The following HECTD4 variants were observed in gnomAD, a reference collection of about 807,000 sequenced individuals.
The protein encoded by HECTD4 is HECT domain E3 ubiquitin protein ligase 4.
In HECTD4, 114 loss-of-function variants were observed where a neutral mutation model predicts 471.5. The ratio of observed to expected loss-of-function variants is 0.24; its 90% confidence interval spans 0.21 to 0.28. The LOEUF is 0.28. Ranked by LOEUF, HECTD4 falls within the 10% of genes least tolerant of loss-of-function variation. The pLI is 1.00. For missense variants in HECTD4, 3,866 were observed against 5,651.5 expected (o/e 0.68, Z 10.13); for synonymous variants, 2,012 against 2,256.0 (o/e 0.89, Z 3.07).
At chr12:112,171,477 G>A (rs2031218021) in intron 67 of HECTD4, 1 of 685,258 alleles carries the variant, frequency 1.5e-6, no homozygotes, top group South Asian at 2.0e-5. Flanking sequence ...CCAGATGGAG[G>A]TGCTGGCTCT....
intron 32 of HECTD4, among the ~76,000 whole-genome samples, chr12:112,242,765 G>A (rs1276740831): frequency 6.6e-6 from 1 of 152,098 alleles, no homozygotes; most frequent in Non-Finnish European, 1.5e-5. Flanking sequence ...ATAAAAATTA[G>A]CCAGGTGTGG....
intron 65 of HECTD4, 145 bp downstream of exon 65, chr12:112,176,451 C>A (rs962453341): frequency 6.5e-5 from 41 of 632,546 alleles, no homozygotes; most frequent in Non-Finnish European, 1.1e-4. Context: ...CTGCCTGATA[C>A]CCCAGGGAAC....
At chr12:112,330,887 T>C (rs2035833729) in intron 1 of HECTD4, among the ~76,000 whole-genome samples, 1 of 152,094 alleles carries the variant, frequency 6.6e-6, no homozygotes, top group Non-Finnish European at 1.5e-5. Context: ...ATGAAGAAAA[T>C]ACATGTGGTG....
At chr12:112,322,668 G>A (rs578052603) in intron 1 of HECTD4, 1 of 152,476 alleles carries the variant, frequency 6.6e-6, no homozygotes, top group Admixed American at 6.5e-5. Context: ...CTTCCCTGCT[G>A]GTATGAATTC....
At chr12:112,180,603 G>C (rs908575269) in intron 62 of HECTD4, among the ~76,000 whole-genome samples, 2 of 151,574 alleles carry the variant, frequency 1.3e-5, no homozygotes, top group Non-Finnish European at 2.9e-5. Flanking sequence ...AGCACCATGA[G>C]GCAGATCCAT....
At chr12:112,212,387 T>C in intron 49 of HECTD4, 100 bp downstream of exon 49, 2 of 920,318 alleles carry the variant, frequency 2.2e-6, no homozygotes, top group Non-Finnish European at 3.4e-6. Flanking sequence ...ACCAATATTA[T>C]GTACAATGAG....
Position 112,179,494 on chromosome 12 carries a change from A to G in HECTD4, c.10988-97T>C. Reference sequence around the variant, plus strand: ...TTTCCAAACACTGTTTGAAAGGGGCAGTGGATGGACATTAGTGGAAGGAAG... The same window carrying G: ...TTTCCAAACACTGTTTGAAAGGGGCGGTGGATGGACATTAGTGGAAGGAAG... On this transcript the variant is annotated intron_variant, in intron 62 of 75. Transcript: ENST00000682272. This position sits in a 1 kb window ranked among gnomAD's most constrained non-coding sequence, Gnocchi z 4.3. 3.7e-6 allele frequency: 4 copies of G among 1,087,354 alleles called. No homozygotes were observed. Among genetic ancestry groups the G allele is most frequent in the Non-Finnish European group, 5.4e-6 (4 of 738,226 alleles). The allele number at this position is 1,087,354 out of a possible 1,614,324, so 67.4% of individuals were successfully genotyped here.
At chr12:112,357,507 A>G (rs903810642) in intron 1 of HECTD4, among the ~76,000 whole-genome samples, 3 of 152,180 alleles carry the variant, frequency 2.0e-5, no homozygotes, top group Non-Finnish European at 2.9e-5. Context: ...GAGGAAGGAT[A>G]GAGAAAACAA....
Position 112,239,973 on chromosome 12 carries a change from G to T in HECTD4, c.5013C>A (p.Gly1671=), listed in dbSNP as rs374020760. The change falls in exon 33 of 76, where the codon GGC becomes GGA. Residue 1671 remains glycine (G), a synonymous_variant. Transcript: ENST00000682272. This position sits in a 1 kb window ranked among gnomAD's most constrained non-coding sequence, Gnocchi z 4.9. Reference sequence around the variant, plus strand: ...GAGACACAACAGAGGTCATGGTCTCGCCAAAGGCTTCCTGGACCTGCTCGA... The same window carrying T: ...GAGACACAACAGAGGTCATGGTCTCTCCAAAGGCTTCCTGGACCTGCTCGA... ...GMVEQVQEAF[G]ETMTSVVSLC... 2 of 1,613,832 alleles carry T rather than the reference G, an allele frequency of 1.2e-6. No homozygotes were observed. Among genetic ancestry groups the T allele is most frequent in the African/African-American group, 2.7e-5 (2 of 74,934 alleles).
chr12:112,184,844 C>G lies in HECTD4; in HGVS notation c.10122G>C (p.Gly3374=). Residue 3374 remains glycine (G), a synonymous_variant, in exon 61 of 76, where the codon GGG becomes GGC. Coordinates refer to ENST00000682272, the MANE Select transcript of HECTD4 (RefSeq NM_001388303.1). This position sits in a 1 kb window ranked among gnomAD's most constrained non-coding sequence, Gnocchi z 9.1. The part of the protein sequence containing the change: ...LRHLTRKDPQ[G]LGVTSDAIAD... Reference sequence around the variant, plus strand: ...CGATGGCGTCACTCGTCACGCCCAGCCCCTGTGGGTCCTTCCTGGTGAGGT... The same window carrying G: ...CGATGGCGTCACTCGTCACGCCCAGGCCCTGTGGGTCCTTCCTGGTGAGGT... The G allele has an allele frequency of 6.2e-7, 1 of 1,607,102 alleles. No homozygotes were observed. Among genetic ancestry groups the G allele is most frequent in the Non-Finnish European group, 8.5e-7 (1 of 1,175,354 alleles).
chr12:112,217,317 A>C, intron 45 of HECTD4, 122 bp from the exon 46 acceptor site: 1 of 524,976 alleles, frequency 1.9e-6, no homozygotes, highest in South Asian at 4.5e-5. Context: ...ACACACACAC[A>C]TACACACACA....
intron 24 of HECTD4, among the ~76,000 whole-genome samples, 194 bp from the exon 25 acceptor site, chr12:112,250,571 C>T (rs889413861): frequency 1.3e-5 from 2 of 152,154 alleles, no homozygotes; most frequent in African/African-American, 4.8e-5. Flanking sequence ...TAGCTCCCCC[C>T]CAATATTTAA....
At position 112,162,675 on chromosome 12, in the gene HECTD4, C is replaced by T. The variant is rs539695303; in HGVS notation, c.13121-152G>A. 4.7e-5 allele frequency: 40 copies of T among 843,896 alleles called. 2 individuals are homozygous for T. Among genetic ancestry groups the T allele is most frequent in the African/African-American group, 4.3e-4 (25 of 58,504 alleles). 52.3% of individuals were successfully genotyped at this position (843,896 alleles called of 1,614,324 possible). ...AGGAGGGGGATGAGGGCCTGGGAACCTGCGAGATGTTCTTGGAGGGAAAAG... is the reference window on the plus strand; with the variant it reads ...AGGAGGGGGATGAGGGCCTGGGAACTTGCGAGATGTTCTTGGAGGGAAAAG... On this transcript the variant is annotated intron_variant, in intron 75 of 75. Transcript: ENST00000682272. The surrounding 1 kb of genome is among the most constrained non-coding windows in gnomAD (Gnocchi z 5.2).
Position 112,382,327 on chromosome 12 carries a change from T to A in HECTD4, c.-199A>T. 36 of 355,950 alleles carry A rather than the reference T, an allele frequency of 1.0e-4. No homozygotes were observed. The highest frequency in any genetic ancestry group is 2.7e-4 in the East Asian group (4 of 14,904). The allele number at this position is 355,950 out of a possible 1,614,324, so 22.0% of individuals were successfully genotyped here. On this transcript the variant is annotated 5_prime_UTR_variant, in exon 1 of 76. Coordinates refer to ENST00000682272, the MANE Select transcript of HECTD4 (RefSeq NM_001388303.1). Reference sequence around the variant, plus strand: ...ACCCCGGCCCGGGAGACCCCGGCCCTGCCGCCGCCGCCGCCGCCGCCGCCG... The same window carrying A: ...ACCCCGGCCCGGGAGACCCCGGCCCAGCCGCCGCCGCCGCCGCCGCCGCCG...
chr12:112,225,128 T>G (rs1320814497), intron 44 of HECTD4, among the ~76,000 whole-genome samples: 7 of 152,080 alleles, frequency 4.6e-5, no homozygotes, highest in Non-Finnish European at 1.0e-4. Flanking sequence ...GAGCTTCTGC[T>G]GAATCCAAGG....
At chr12:112,377,812 G>A (rs895513257) in intron 1 of HECTD4, among the ~76,000 whole-genome samples, 8 of 152,164 alleles carry the variant, frequency 5.3e-5, no homozygotes, top group Non-Finnish European at 4.4e-5. Flanking sequence ...GGAGGTTGCA[G>A]TGAGCCGAGA....
intron 1 of HECTD4, among the ~76,000 whole-genome samples, chr12:112,326,671 T>C (rs1476095830): frequency 1.3e-5 from 2 of 152,190 alleles, no homozygotes; most frequent in African/African-American, 4.8e-5. Context: ...GATAGGCATA[T>C]AGACGCTTTT....
At position 112,162,624 on chromosome 12, in the gene HECTD4, G is replaced by C; in HGVS notation, c.13121-101C>G. 1 of 1,417,090 alleles carries C rather than the reference G, an allele frequency of 7.1e-7. No homozygotes were observed. Among genetic ancestry groups the C allele is most frequent in the Non-Finnish European group, 9.7e-7 (1 of 1,030,424 alleles). 87.8% of individuals were successfully genotyped at this position (1,417,090 alleles called of 1,614,324 possible). A position where few individuals can be genotyped will look rare whatever the true frequency, so the allele number is the denominator to read the frequency against. The stretch of plus-strand genomic sequence containing the variant: ...GCTTCCAGGTTTGCCTCCTTGGGTA[G>C]CCCCAAGCCAATCCTGGGGCCCAGC... On this transcript the variant is annotated intron_variant, in intron 75 of 75. Transcript: ENST00000682272. The surrounding 1 kb of genome is among the most constrained non-coding windows in gnomAD (Gnocchi z 5.2).
At chr12:112,221,190 G>A (rs1051792273) in intron 44 of HECTD4, among the ~76,000 whole-genome samples, 1 of 152,108 alleles carries the variant, frequency 6.6e-6, no homozygotes, top group East Asian at 1.9e-4. Context: ...TTAAAAAAAA[G>A]CACCTGTTTT....
Sources: gnomAD v4.1 joint callset for allele counts (sites outside exome capture counted in the v4.1 genomes callset) on GRCh38, gnomAD v4.1.1 for gene constraint, Gnocchi (gnomAD v3.1) non-coding constraint, MANE v1.5 for transcripts, NCBI Gene and HGNC (gene_info 2026-07-23, HGNC 2026-07-21) for gene names.